The following ANP32A variants were observed in gnomAD, a reference collection of about 807,000 sequenced individuals.
The protein encoded by ANP32A is acidic nuclear phosphoprotein 32 family member A.
ANP32A carries 1 observed loss-of-function variant against 33.9 expected under a neutral mutation model. The observed-to-expected ratio is 0.03, with a 90% CI of 0.01 to 0.14. The LOEUF is 0.14. Ranked by LOEUF, ANP32A falls within the 10% of genes least tolerant of loss-of-function variation. ANP32A has a pLI of 1.00. For missense variants in ANP32A, 155 were observed against 306.0 expected, an observed-to-expected ratio of 0.51 and a Z score of 3.68; for synonymous variants, 115 against 120.5, an observed-to-expected ratio of 0.95 and a Z score of 0.30.
chr15:68,794,929 T>C (rs546516351), intron 1 of ANP32A, among the ~76,000 whole-genome samples: 3 of 152,234 alleles, frequency 2.0e-5, no homozygotes, highest in Non-Finnish European at 4.4e-5. Flanking sequence ...AATTACTTTC[T>C]TATGTTACTT....
intron 1 of ANP32A, among the ~76,000 whole-genome samples, chr15:68,814,288 G>A (rs747170026): frequency 5.9e-5 from 9 of 152,200 alleles, no homozygotes; most frequent in South Asian, 4.2e-4. Flanking sequence ...GGCCAGGCAC[G>A]CTGGCTCACA....
At chr15:68,816,285 T>C (rs533447629) in intron 1 of ANP32A, among the ~76,000 whole-genome samples, 4 of 152,336 alleles carry the variant, frequency 2.6e-5, no homozygotes, top group Admixed American at 6.5e-5. Flanking sequence ...AAGGAGGCAG[T>C]AGAGTGTAGA....
At chr15:68,798,120 G>A (rs528133350) in intron 1 of ANP32A, among the ~76,000 whole-genome samples, 1 of 152,370 alleles carries the variant, frequency 6.6e-6, no homozygotes, top group East Asian at 1.9e-4. Flanking sequence ...CAGCTTGGCT[G>A]GGACCGCTTG....
chr15:68,794,532 C>T lies in ANP32A; in HGVS notation c.55-6613G>A, dbSNP rs547330847. ...AGAGAAGACTCATATCAAATTGACCCTGTGTTTTTTGGTGCTCGTGGGTTT... is the reference window on the plus strand; with the variant it reads ...AGAGAAGACTCATATCAAATTGACCTTGTGTTTTTTGGTGCTCGTGGGTTT... On this transcript the variant is annotated intron_variant, in intron 1 of 6. Transcript: ENST00000465139. Among the ~76,000 whole-genome samples the T allele has an allele frequency of 2.4e-4, 37 of 152,250 alleles. 1 individual carries two copies. The South Asian group carries it at 2.9e-3, about 12-fold the overall frequency.
chr15:68,785,342 CTG>C (rs1158824437), intron 3 of ANP32A, among the ~76,000 whole-genome samples: 1 of 152,030 alleles, frequency 6.6e-6, no homozygotes, highest in Non-Finnish European at 1.5e-5. Flanking sequence ...GTAGAGGAAA[CTG>C]AGGCCCAGGA....
chr15:68,780,248 T>G lies in ANP32A; in HGVS notation c.689-106A>C. On this transcript the variant is annotated intron_variant, in intron 6 of 6. Coordinates refer to ENST00000465139, the MANE Select transcript of ANP32A (RefSeq NM_006305.4). This position sits in a 1 kb window ranked among gnomAD's most constrained non-coding sequence, Gnocchi z 4.3. ...GACCCATGACTAGCAAGCTGTGCCA[T>G]CCTTGGAAACCGAGGCAAGACATCT... 1.3e-6 allele frequency: 2 copies of G among 1,568,556 alleles called. No individual in the cohort carries two copies. The highest frequency in any genetic ancestry group is 1.7e-6 in the Non-Finnish European group (2 of 1,154,792).
At chr15:68,819,742 A>AG (rs1360214627) in intron 1 of ANP32A, among the ~76,000 whole-genome samples, 1 of 152,166 alleles carries the variant, frequency 6.6e-6, no homozygotes, top group Non-Finnish European at 1.5e-5. Context: ...AGCTGGGGCG[A>AG]GGGGGCACCG....
rs1408780419 is a variant in ANP32A, at chr15:68,784,413, C to A, written c.510G>T (p.Glu170Asp). 6.2e-7 allele frequency: 1 copy of A among 1,613,960 alleles called. No individual in the cohort carries two copies. Among genetic ancestry groups the A allele is most frequent in the Non-Finnish European group, 8.5e-7 (1 of 1,179,992 alleles). The change falls in exon 4 of 7, where the codon GAG becomes GAT. Residue 170 changes from glutamate to aspartate, a missense_variant. Coordinates refer to ENST00000465139, the MANE Select transcript of ANP32A (RefSeq NM_006305.4). ...GTCACCCACCATCCTCATCCTCCTCCTCATCATCCAGGCCCTCCACGTAGC... is the reference window on the plus strand; with the variant it reads ...GTCACCCACCATCCTCATCCTCCTCATCATCATCCAGGCCCTCCACGTAGC... ...AEGYVEGLDD[E>D]EEDEDEEEYD...
intron 1 of ANP32A, among the ~76,000 whole-genome samples, chr15:68,800,618 C>T (rs1308548515): frequency 6.6e-6 from 1 of 151,156 alleles, no homozygotes; most frequent in Admixed American, 6.6e-5. Context: ...GTGGCGGGCA[C>T]CTGTAGTCCC....
At chr15:68,807,289 G>A (rs1894243442) in intron 1 of ANP32A, among the ~76,000 whole-genome samples, 1 of 152,174 alleles carries the variant, frequency 6.6e-6, no homozygotes. Flanking sequence ...GGAGTTTAAA[G>A]GCAAGAAGGC....
At chr15:68,807,787 C>A (rs1222446838) in intron 1 of ANP32A, among the ~76,000 whole-genome samples, 1 of 152,216 alleles carries the variant, frequency 6.6e-6, no homozygotes, top group East Asian at 1.9e-4. Flanking sequence ...TCAGGCTCAG[C>A]AGTTCTCAAG....
chr15:68,805,288 G>A (rs1314531560), intron 1 of ANP32A, among the ~76,000 whole-genome samples: 1 of 152,236 alleles, frequency 6.6e-6, no homozygotes, highest in East Asian at 1.9e-4. Flanking sequence ...GTACAAAATT[G>A]GGCGGTGTCT....
At chr15:68,787,662 G>T (rs897412673) in intron 2 of ANP32A, 108 bp downstream of exon 2, 195 of 1,591,782 alleles carry the variant, frequency 1.2e-4, no homozygotes, top group Non-Finnish European at 1.6e-4. Context: ...CTGGCATGTT[G>T]GTGCAAGCAC....
rs545241724 is a variant in ANP32A at position 68,818,677 on chromosome 15, C to T, written c.54+2021G>A. 1.4e-3 allele frequency among the ~76,000 whole-genome samples: 215 copies of T among 152,256 alleles called. 2 individuals carry two copies. The highest frequency in any genetic ancestry group is 4.6e-3 in the African/African-American group (191 of 41,570). On this transcript the variant is annotated intron_variant, in intron 1 of 6. Coordinates refer to ENST00000465139, the MANE Select transcript of ANP32A (RefSeq NM_006305.4). ...CCGGTTCGACCCGCTTTCCTGCTTG[C>T]TCCCGGGGGGCCGGCAGCGTCGGTC...
chr15:68,810,086 A>G (rs998576665), intron 1 of ANP32A, among the ~76,000 whole-genome samples: 4 of 152,208 alleles, frequency 2.6e-5, no homozygotes, highest in African/African-American at 9.6e-5. Context: ...TACAGTGGCA[A>G]TCTCAGTGTG....
chr15:68,782,821 G>T, intron 5 of ANP32A, 135 bp downstream of exon 5: 7 of 1,424,048 alleles, frequency 4.9e-6, no homozygotes, highest in East Asian at 2.5e-5. Flanking sequence ...GCTCTGAAAT[G>T]GACTCACTTC....
chr15:68,787,281 T>C lies in ANP32A; in HGVS notation c.327+132A>G, dbSNP rs1893944549. On this transcript the variant is annotated intron_variant, in intron 3 of 6. Transcript: ENST00000465139. ...GGACTCAGCAGAAACAATAGCTCAATTCTATCTCATAGCACATCATGAGAG... is the reference window on the plus strand; with the variant it reads ...GGACTCAGCAGAAACAATAGCTCAACTCTATCTCATAGCACATCATGAGAG... 3 of 1,310,352 alleles carry C rather than the reference T, an allele frequency of 2.3e-6. No homozygotes were observed. The Admixed American group carries it at 5.9e-5, about 26-fold the overall frequency. 81.2% of individuals were successfully genotyped at this position (1,310,352 alleles called of 1,614,324 possible).
chr15:68,811,058 T>G (rs1894304779), intron 1 of ANP32A, among the ~76,000 whole-genome samples: 1 of 74,818 alleles, frequency 1.3e-5, no homozygotes, highest in Non-Finnish European at 3.0e-5. Context: ...TGAGACTCTG[T>G]CTGGGAAAAA....
At chr15:68,783,169 C>T in intron 4 of ANP32A, 116 bp from the exon 5 acceptor site, 1 of 1,450,894 alleles carries the variant, frequency 6.9e-7, no homozygotes, top group Non-Finnish European at 9.2e-7. Context: ...CTCCCACACC[C>T]ACCTAAGTCC....
Sources: gnomAD v4.1 joint callset for allele counts (sites outside exome capture counted in the v4.1 genomes callset) on GRCh38, gnomAD v4.1.1 for gene constraint, Gnocchi (gnomAD v3.1) non-coding constraint, MANE v1.5 for transcripts, NCBI Gene and HGNC (gene_info 2026-07-23, HGNC 2026-07-21) for gene names.